SORBS2: variants seen among roughly 807,000 people sequenced by gnomAD.
SORBS2 encodes sorbin and SH3 domain-containing protein 2.
A neutral mutation model predicts 97.7 loss-of-function variants in SORBS2; 46 were observed. The observed-to-expected ratio is 0.47, with a 90% CI of 0.37 to 0.60. The LOEUF is 0.60. Ranked by LOEUF, SORBS2 falls within the 20% of genes least tolerant of loss-of-function variation. The pLI is 0.00. For missense variants in SORBS2, 1,316 were observed against 1,282.3 expected, an observed-to-expected ratio of 1.03 and a Z score of -0.40; for synonymous variants, 476 against 473.4, an observed-to-expected ratio of 1.01 and a Z score of -0.07.
intron 1 of SORBS2, among the ~76,000 whole-genome samples, chr4:185,852,864 C>A (rs1251022224): frequency 2.0e-5 from 3 of 152,158 alleles, no homozygotes; most frequent in African/African-American, 7.2e-5. Flanking sequence ...TGCTTTAAAT[C>A]ATTTACCACC....
upstream of SORBS2, among the ~76,000 whole-genome samples, chr4:185,657,756 T>C (rs1022422246): frequency 3.9e-5 from 6 of 152,152 alleles, no homozygotes; most frequent in Non-Finnish European, 7.4e-5. Flanking sequence ...GTGGAAACTG[T>C]GTAGGTGTGC....
chr4:185,758,892 C>A (rs1300797713), intron 2 of SORBS2, among the ~76,000 whole-genome samples: 1 of 152,202 alleles, frequency 6.6e-6, no homozygotes, highest in African/African-American at 2.4e-5. Flanking sequence ...GCTGCACTGT[C>A]CTCAACACAT....
At chr4:185,910,894 CT>C (rs1561292495) in intron 1 of SORBS2, among the ~76,000 whole-genome samples, 1 of 151,906 alleles carries the variant, frequency 6.6e-6, no homozygotes, top group Non-Finnish European at 1.5e-5. Flanking sequence ...CCCTTCCAGA[CT>C]TTTCTCAGGT....
chr4:185,907,765 T>G (rs974535068), intron 1 of SORBS2, among the ~76,000 whole-genome samples: 1 of 152,168 alleles, frequency 6.6e-6, no homozygotes, highest in African/African-American at 2.4e-5. Flanking sequence ...CCTCCTTCCC[T>G]CTCTCCTTCC....
chr4:185,607,302 A>G lies in SORBS2; in HGVS notation c.2796+4478T>C. On this transcript the variant is annotated intron_variant, in intron 12 of 14. Transcript: ENST00000418609. This position sits in a 1 kb window ranked among gnomAD's most constrained non-coding sequence, Gnocchi z 5.2. ...CCTGGAGAGCTCCTTTATCTGAGCC[A>G]GGTGAGACTTTGTGGGTGGGAGGAG... The G allele has an allele frequency of 7.8e-7, 1 of 1,286,388 alleles. No homozygotes were observed. The highest frequency in any genetic ancestry group is 1.5e-5 in the African/African-American group (1 of 65,602). 79.7% of individuals were successfully genotyped at this position (1,286,388 alleles called of 1,614,324 possible).
intron 1 of SORBS2, among the ~76,000 whole-genome samples, chr4:185,824,582 G>T (rs943025339): frequency 2.0e-5 from 3 of 152,112 alleles, no homozygotes; most frequent in African/African-American, 7.2e-5. Context: ...TTGGGTCTGT[G>T]AAAAACCAAC....
chr4:185,750,063 T>C (rs925850732), intron 2 of SORBS2, among the ~76,000 whole-genome samples: 3 of 152,250 alleles, frequency 2.0e-5, no homozygotes, highest in Non-Finnish European at 2.9e-5. Context: ...CAGATCTGCA[T>C]GTTGCAGAAA....
chr4:185,874,866 T>TTTTTTTTTTTTTTTTTTTTTGC lies in SORBS2; in HGVS notation c.-338+81329_-338+81330insGCAAAAAAAAAAAAAAAAAAAA, dbSNP rs775209042. ...GGTTTTACCTTACCCTGATTTTTTT[T>TTTTTTTTTTTTTTTTTTTTTGC]TTTTTTGCATGCTACAGTATATTGT... On this transcript the variant is annotated intron_variant, in intron 1 of 20. Coordinates refer to the SORBS2 transcript ENST00000284776. Among the ~76,000 whole-genome samples the TTTTTTTTTTTTTTTTTTTTTGC allele has an allele frequency of 7.0e-4, 79 of 113,438 alleles. 1 individual carries two copies. The highest frequency in any genetic ancestry group is 5.0e-3 in the Middle Eastern group (1 of 200). 74.4% of individuals were successfully genotyped at this position (113,438 alleles called of 152,430 possible). A position where few individuals can be genotyped will look rare whatever the true frequency, so the allele number is the denominator to read the frequency against.
At chr4:185,772,556 G>A (rs2098977583) in intron 2 of SORBS2, 1 of 152,058 alleles carries the variant, frequency 6.6e-6, no homozygotes, top group African/African-American at 2.4e-5. Context: ...CGGCTCTCCC[G>A]GGACTTCCTT....
intron 4 of SORBS2, among the ~76,000 whole-genome samples, chr4:185,642,355 T>A (rs1310980262): frequency 6.6e-6 from 1 of 152,132 alleles, no homozygotes; most frequent in Non-Finnish European, 1.5e-5. Flanking sequence ...TCATATATTT[T>A]TTTTTTACTT....
At chr4:185,844,310 T>C (rs1364881678) in intron 1 of SORBS2, among the ~76,000 whole-genome samples, 1 of 152,122 alleles carries the variant, frequency 6.6e-6, no homozygotes, top group Non-Finnish European at 1.5e-5. Flanking sequence ...CAAAGAGACA[T>C]TTCTCTAAAG....
rs576583309 is a variant in SORBS2 at position 185,949,353 on chromosome 4, G to C, written c.-338+6843C>G. ...GAAATAATTGTTTCCAACTTTGTCA[G>C]TGTCTACTCCGAAACAGATGGCATC... On this transcript the variant is annotated intron_variant, in intron 1 of 20. Transcript: ENST00000284776. Among the ~76,000 whole-genome samples the C allele has an allele frequency of 2.6e-5, 4 of 152,244 alleles. No individual in the cohort carries two copies. The South Asian group carries it at 8.3e-4, about 32-fold the overall frequency.
chr4:185,677,813 C>T (rs568302193), intron 4 of SORBS2, among the ~76,000 whole-genome samples: 1 of 152,130 alleles, frequency 6.6e-6, no homozygotes, highest in East Asian at 1.9e-4. Context: ...CATTTTCATT[C>T]CATTTAGAAT....
chr4:185,587,650 C>T, exon 15 of SORBS2: 1 of 1,613,412 alleles, frequency 6.2e-7, no homozygotes, highest in Non-Finnish European at 8.5e-7. Flanking sequence ...ACGTAGTTTC[C>T]GGGGAAAGTA....
intron 1 of SORBS2, among the ~76,000 whole-genome samples, chr4:185,931,839 A>G (rs1216477655): frequency 6.6e-6 from 1 of 152,116 alleles, no homozygotes; most frequent in Non-Finnish European, 1.5e-5. Flanking sequence ...ACATGCAGAA[A>G]GAGAAGAAAG....
At chr4:185,797,249 T>C (rs550441323) in intron 1 of SORBS2, among the ~76,000 whole-genome samples, 3 of 152,356 alleles carry the variant, frequency 2.0e-5, no homozygotes, top group South Asian at 4.1e-4. Flanking sequence ...AGGGCTTGAC[T>C]GATTACATCC....
chr4:185,751,572 A>C (rs750222326), intron 2 of SORBS2, among the ~76,000 whole-genome samples: 3 of 152,204 alleles, frequency 2.0e-5, no homozygotes, highest in Non-Finnish European at 4.4e-5. Context: ...GCAGCTGCCC[A>C]GTAGGTCCTC....
chr4:185,752,467 G>A (rs973278276), intron 2 of SORBS2, among the ~76,000 whole-genome samples: 1 of 152,070 alleles, frequency 6.6e-6, no homozygotes, highest in Non-Finnish European at 1.5e-5. Context: ...TAGTAGATAT[G>A]GGGTTTCACC....
At chr4:185,598,187 A>G (rs143365066) in intron 12 of SORBS2, among the ~76,000 whole-genome samples, 4 of 152,366 alleles carry the variant, frequency 2.6e-5, no homozygotes, top group African/African-American at 9.6e-5. Context: ...TTGAACAAGA[A>G]TTATATTATG....
Sources: allele counts gnomAD v4.1 joint callset (sites outside exome capture counted in the v4.1 genomes callset), GRCh38; gene constraint gnomAD v4.1.1; non-coding constraint Gnocchi (gnomAD v3.1); transcripts MANE v1.5; gene names NCBI Gene and HGNC (gene_info 2026-07-23, HGNC 2026-07-21).